Variants in GAP43 observed in about 807,000 individuals in gnomAD.
GAP43 encodes the protein growth associated protein 43, also known as neuromodulin.
A neutral mutation model predicts 18.6 loss-of-function variants in GAP43; 6 were observed. The ratio of observed to expected loss-of-function variants is 0.32; its 90% CI spans 0.18 to 0.64. GAP43 has a LOEUF of 0.64. GAP43 is among the 30% of genes least tolerant of loss of function. GAP43 has a pLI of 0.78. For synonymous variants in GAP43, 115 were observed against 111.4 expected, an observed-to-expected ratio of 1.03 and a Z score of -0.20; for missense variants, 292 against 295.5, an observed-to-expected ratio of 0.99 and a Z score of 0.09.
chr3:115,672,756 C>CTCCTCTCCTCTCCTCTCCTG (rs1708830159), intron 1 of GAP43, among the ~76,000 whole-genome samples: 1 of 149,862 alleles, frequency 6.7e-6, no homozygotes, highest in African/African-American at 2.5e-5. Context: ...CTCCTCTCCT[C>CTCCTCTCCTCTCCTCTCCTG]TCCTCTCCTC....
At chr3:115,682,973 A>G (rs768897969) in intron 2 of GAP43, among the ~76,000 whole-genome samples, 37 of 152,270 alleles carry the variant, frequency 2.4e-4, no homozygotes, top group Non-Finnish European at 4.1e-4. Context: ...CACCTCATAA[A>G]AGAATCTGGA....
chr3:115,633,671 G>A (rs911653128), intron 1 of GAP43, among the ~76,000 whole-genome samples: 12 of 152,126 alleles, frequency 7.9e-5, no homozygotes, highest in African/African-American at 1.9e-4. Context: ...GCAAATCTCC[G>A]TACCAGTTTC....
intron 2 of GAP43, among the ~76,000 whole-genome samples, chr3:115,718,440 C>A (rs1338709213): frequency 1.3e-5 from 2 of 152,110 alleles, no homozygotes; most frequent in Non-Finnish European, 2.9e-5. Context: ...CATTAGCACA[C>A]CAAAATTTTT....
chr3:115,647,130 A>G (rs1708466946), intron 1 of GAP43, among the ~76,000 whole-genome samples: 1 of 151,974 alleles, frequency 6.6e-6, no homozygotes, highest in Admixed American at 6.6e-5. Context: ...ATGAGAGTGA[A>G]GCCCTTATGA....
intron 1 of GAP43, among the ~76,000 whole-genome samples, chr3:115,665,189 C>G (rs1392447790): frequency 6.6e-6 from 1 of 152,144 alleles, no homozygotes; most frequent in Admixed American, 6.5e-5. Context: ...AAAAATCACT[C>G]AGCTCTCTCT....
At chr3:115,696,177 T>G (rs981968281) in intron 2 of GAP43, among the ~76,000 whole-genome samples, 5 of 152,162 alleles carry the variant, frequency 3.3e-5, no homozygotes, top group Admixed American at 2.0e-4. Context: ...CTTGGATATC[T>G]AATAGATACC....
intron 1 of GAP43, among the ~76,000 whole-genome samples, chr3:115,637,518 T>C (rs762041745): frequency 6.6e-6 from 1 of 152,034 alleles, no homozygotes; most frequent in Non-Finnish European, 1.5e-5. Context: ...TGGTTGCACT[T>C]TTTTCCCATG....
At chr3:115,646,551 G>T (rs188391714) in intron 1 of GAP43, among the ~76,000 whole-genome samples, 1 of 152,150 alleles carries the variant, frequency 6.6e-6, no homozygotes, top group African/African-American at 2.4e-5. Flanking sequence ...GTTCAGAAGG[G>T]CTCTAATGAA....
intron 1 of GAP43, among the ~76,000 whole-genome samples, chr3:115,664,923 A>G (rs957777841): frequency 6.6e-6 from 1 of 152,158 alleles, no homozygotes; most frequent in Non-Finnish European, 1.5e-5. Context: ...ATTTTTTTCT[A>G]CATGTGGAAG....
At chr3:115,626,268 A>G (rs1289539315) in intron 1 of GAP43, among the ~76,000 whole-genome samples, 2 of 152,194 alleles carry the variant, frequency 1.3e-5, no homozygotes, top group Admixed American at 1.3e-4. Flanking sequence ...GCAAAGGTCT[A>G]AGCTCTGCCA....
At chr3:115,623,778 C>A in intron 1 of GAP43, 59 bp downstream of exon 1, 2 of 1,593,572 alleles carry the variant, frequency 1.3e-6, no homozygotes, top group South Asian at 1.1e-5. Flanking sequence ...ACAGTATTTC[C>A]CCGTAAAGGC....
At chr3:115,663,990 T>C (rs1331930304) in intron 1 of GAP43, 1 of 1,417,618 alleles carries the variant, frequency 7.1e-7, no homozygotes, top group African/African-American at 1.4e-5. Flanking sequence ...ACTAGCTGTA[T>C]GACTTTGAGC....
At chr3:115,697,570 C>T (rs1444706288) in intron 2 of GAP43, among the ~76,000 whole-genome samples, 1 of 152,174 alleles carries the variant, frequency 6.6e-6, no homozygotes, top group Non-Finnish European at 1.5e-5. Context: ...CTTCACAAGC[C>T]CTCCTTACAT....
intron 1 of GAP43, chr3:115,663,466 T>G: frequency 9.4e-7 from 1 of 1,064,992 alleles, no homozygotes; most frequent in South Asian, 3.4e-5. Flanking sequence ...TCTCCCTCCC[T>G]CTTCTCCCAG....
rs1334359982 is a variant in GAP43, at chr3:115,698,177, AAT to A, written c.628+21576_628+21577del. 6.9e-3 allele frequency among the ~76,000 whole-genome samples: 305 copies of A among 44,346 alleles called. 9 individuals are homozygous for A. Among genetic ancestry groups the A allele is most frequent in the African/African-American group, 0.022 (281 of 12,644 alleles). 29.1% of individuals were successfully genotyped at this position (44,346 alleles called of 152,430 possible). A position where few individuals can be genotyped will look rare whatever the true frequency, so the allele number is the denominator to read the frequency against. On this transcript the variant is annotated intron_variant, in intron 2 of 2. Coordinates refer to ENST00000305124, the MANE Select transcript of GAP43 (RefSeq NM_002045.4). ...ATATAATATATAAAATATATTAAAT[AAT>A]ATATATATTAAATATATATTATATA...
chr3:115,659,352 T>C (rs530641490), intron 1 of GAP43, among the ~76,000 whole-genome samples: 2 of 152,244 alleles, frequency 1.3e-5, no homozygotes, highest in South Asian at 2.1e-4. Context: ...ATGCAGGTTC[T>C]ATAGACAATT....
At chr3:115,704,045 AG>A (rs1164488108) in intron 2 of GAP43, among the ~76,000 whole-genome samples, 3 of 152,114 alleles carry the variant, frequency 2.0e-5, no homozygotes, top group African/African-American at 7.2e-5. Context: ...GGCCCCAGGA[AG>A]CCAAGGCACA....
At chr3:115,706,109 A>G (rs1448162106) in intron 2 of GAP43, among the ~76,000 whole-genome samples, 5 of 152,178 alleles carry the variant, frequency 3.3e-5, no homozygotes, top group Non-Finnish European at 7.3e-5. Flanking sequence ...AGTCTTCTCA[A>G]AGGATTTTTC....
rs1321176283 is a variant in GAP43, at chr3:115,627,822, AG to A, written c.30+4105del. ...CCTTTTCAATTTGTGAAGTGTGGTC[AG>A]GTGGCTTTTGTACCTTTGTAATTAA... On this transcript the variant is annotated intron_variant, in intron 1 of 2. Coordinates refer to ENST00000305124, the MANE Select transcript of GAP43 (RefSeq NM_002045.4). Among the ~76,000 whole-genome samples the A allele has an allele frequency of 2.6e-5, 4 of 152,302 alleles. No individual in the cohort carries two copies. In the East Asian group the frequency reaches 5.8e-4, roughly 22 times the overall value.
Sources: allele counts gnomAD v4.1 joint callset (sites outside exome capture counted in the v4.1 genomes callset), GRCh38; gene constraint gnomAD v4.1.1; transcripts MANE v1.5; gene names NCBI Gene and HGNC (gene_info 2026-07-23, HGNC 2026-07-21).